SCOC: variants seen among roughly 807,000 people sequenced by gnomAD.
SCOC encodes the protein short coiled-coil protein, also known as short coiled coil protein.
In SCOC, 7 loss-of-function variants were observed where a neutral mutation model predicts 9.9. The observed-to-expected ratio is 0.71, with a 90% CI of 0.40 to 1.33. The LOEUF (loss-of-function observed/expected upper bound fraction) is 1.33, where lower values mean the gene tolerates loss of function less well. Ranked by LOEUF, SCOC falls within the 40% of genes most tolerant of loss-of-function variation. SCOC has a pLI of 0.01. For synonymous variants in SCOC, 19 were observed against 28.2 expected (o/e 0.67, Z 1.03); for missense variants, 66 against 89.7 (o/e 0.74, Z 1.07).
At chr4:140,332,855 C>T (rs1435457415) in intron 1 of SCOC, among the ~76,000 whole-genome samples, 1 of 152,106 alleles carries the variant, frequency 6.6e-6, no homozygotes, top group Non-Finnish European at 1.5e-5. Context: ...AAACTCACTT[C>T]CCTGACTCTG....
At chr4:140,262,166 T>C (rs898562098) in intron 1 of SCOC, among the ~76,000 whole-genome samples, 19 of 152,226 alleles carry the variant, frequency 1.2e-4, no homozygotes, top group African/African-American at 4.3e-4. Context: ...TTGACCAGGG[T>C]CTCTATTAGA....
intron 2 of SCOC, among the ~76,000 whole-genome samples, chr4:140,361,667 T>C (rs1385770318): frequency 1.3e-5 from 2 of 152,042 alleles, no homozygotes; most frequent in African/African-American, 4.8e-5. Flanking sequence ...TCTAAATAAA[T>C]AAAATAATGT....
At chr4:140,368,230 T>A (rs1727887436) in intron 2 of SCOC, among the ~76,000 whole-genome samples, 1 of 152,234 alleles carries the variant, frequency 6.6e-6, no homozygotes, top group African/African-American at 2.4e-5. Flanking sequence ...TGTTGGTAGA[T>A]CAGAGTTTTC....
At chr4:140,313,186 A>G (rs1429451410) in intron 1 of SCOC, among the ~76,000 whole-genome samples, 4 of 152,246 alleles carry the variant, frequency 2.6e-5, no homozygotes, top group African/African-American at 9.6e-5. Flanking sequence ...CACCGAACAA[A>G]TAAACTAAAA....
chr4:140,316,371 C>T (rs537766621), intron 1 of SCOC, among the ~76,000 whole-genome samples: 2,777 of 82,036 alleles, frequency 0.034, 46 homozygotes, highest in South Asian at 0.16. Context: ...ACAAACATAC[C>T]CATTCTTTAG....
intron 1 of SCOC, among the ~76,000 whole-genome samples, chr4:140,329,403 G>A (rs1164331054): frequency 6.6e-6 from 1 of 152,170 alleles, no homozygotes; most frequent in Non-Finnish European, 1.5e-5. Flanking sequence ...AAGACTTCAT[G>A]ACCAAGAACC....
At chr4:140,374,843 GAT>G (rs1349560919) in intron 1 of SCOC, among the ~76,000 whole-genome samples, 2 of 152,180 alleles carry the variant, frequency 1.3e-5, no homozygotes, top group African/African-American at 4.8e-5. Flanking sequence ...TTTTCTGAAA[GAT>G]ATATAGACTT....
intron 1 of SCOC, among the ~76,000 whole-genome samples, chr4:140,308,130 T>G (rs74916202): frequency 0.016 from 2,409 of 152,278 alleles, 74 homozygotes; most frequent in African/African-American, 0.055. Flanking sequence ...TTCATCTGTT[T>G]AGTGCTATTG....
rs1732703381 is a variant in SCOC, at chr4:140,328,115, C to G, written c.-18-15506C>G. ...GTTTTAAATGGGAAGATGCAGGGAA[C>G]ATGCTGAGAAGAAAGCTTAGCACAC... is the stretch of plus-strand genomic sequence containing the variant. On this transcript the variant is annotated intron_variant, in intron 1 of 4. Coordinates refer to the SCOC transcript ENST00000394205. Among the ~76,000 whole-genome samples the G allele has an allele frequency of 2.6e-5, 4 of 152,192 alleles. No homozygotes were observed. The South Asian group carries it at 8.3e-4, about 31-fold the overall frequency.
At chr4:140,373,031 A>G (rs985384553), upstream of SCOC, among the ~76,000 whole-genome samples, 2 of 152,232 alleles carry the variant, frequency 1.3e-5, no homozygotes, top group Non-Finnish European at 2.9e-5. Flanking sequence ...TCTCAATTCT[A>G]AAATATTAAA....
At chr4:140,308,118 T>C (rs1050237190) in intron 1 of SCOC, among the ~76,000 whole-genome samples, 16 of 152,324 alleles carry the variant, frequency 1.1e-4, no homozygotes, top group Middle Eastern at 3.4e-3. Context: ...ATGAATGTGC[T>C]ATTCATCTGT....
intron 2 of SCOC, chr4:140,366,689 T>C: frequency 6.3e-7 from 1 of 1,593,508 alleles, no homozygotes; most frequent in South Asian, 1.1e-5. Context: ...TTGAAATCAG[T>C]GAGCTGCATG....
chr4:140,281,670 G>T (rs553504142), intron 1 of SCOC, among the ~76,000 whole-genome samples: 15 of 152,156 alleles, frequency 9.9e-5, no homozygotes, highest in African/African-American at 2.7e-4. Flanking sequence ...GGCCTCCCCC[G>T]TATCTCCAAC....
chr4:140,355,417 C>T (rs1249173338), intron 2 of SCOC, among the ~76,000 whole-genome samples: 1 of 151,838 alleles, frequency 6.6e-6, no homozygotes, highest in African/African-American at 2.4e-5. Flanking sequence ...TTGATATTAT[C>T]CCTGTTTTTC....
chr4:140,269,219 G>C (rs891938970), intron 1 of SCOC, among the ~76,000 whole-genome samples: 1 of 152,198 alleles, frequency 6.6e-6, no homozygotes, highest in African/African-American at 2.4e-5. Context: ...CTATGAAAAT[G>C]AGGGATTCAT....
At chr4:140,358,778 A>C (rs1356717592) in intron 2 of SCOC, among the ~76,000 whole-genome samples, 1 of 152,192 alleles carries the variant, frequency 6.6e-6, no homozygotes, top group Non-Finnish European at 1.5e-5. Context: ...CCCTTTGGAA[A>C]ACTGCATAAA....
At position 140,382,246 on chromosome 4, in the gene SCOC, A is replaced by G. The variant is rs917497831; in HGVS notation, c.*1142A>G. ...CTACTGGGTTTGAAGAGTTTTAGTC[A>G]TCCTTTAACAATTTTTAAAAATTTA... On this transcript the variant is annotated 3_prime_UTR_variant, in exon 4 of 4. Coordinates refer to ENST00000608372, the MANE Select transcript of SCOC (RefSeq NM_001153484.2). The G allele has an allele frequency of 6.6e-6, 1 of 152,224 alleles. No individual in the cohort carries two copies. Among genetic ancestry groups the G allele is most frequent in the Non-Finnish European group, 1.5e-5 (1 of 68,028 alleles). 9.4% of individuals were successfully genotyped at this position (152,224 alleles called of 1,614,324 possible).
intron 1 of SCOC, among the ~76,000 whole-genome samples, chr4:140,279,151 G>A (rs1231014866): frequency 6.6e-6 from 1 of 151,982 alleles, no homozygotes; most frequent in Non-Finnish European, 1.5e-5. Context: ...TTGCCACCTG[G>A]AGAATATTCT....
intron 1 of SCOC, 124 bp downstream of exon 1, chr4:140,373,841 G>A: frequency 9.2e-7 from 1 of 1,091,970 alleles, no homozygotes; most frequent in Non-Finnish European, 1.3e-6. Flanking sequence ...GGGCCCGGGA[G>A]GAGCGGTCTC....
Sources: gnomAD v4.1 joint callset for allele counts (sites outside exome capture counted in the v4.1 genomes callset) on GRCh38, gnomAD v4.1.1 for gene constraint, MANE v1.5 for transcripts, NCBI Gene and HGNC (gene_info 2026-07-23, HGNC 2026-07-21) for gene names.